NAV2: variants seen among roughly 807,000 people sequenced by gnomAD.
NAV2 encodes helicase, APC down-regulated 1.
In NAV2, 54 loss-of-function variants were observed where a neutral mutation model predicts 223.2. The ratio of observed to expected loss-of-function variants is 0.24; its 90% CI spans 0.19 to 0.30. The LOEUF (loss-of-function observed/expected upper bound fraction) is 0.30, where lower values mean the gene tolerates loss of function less well. NAV2 is among the 10% of genes least tolerant of loss of function. NAV2 has a pLI of 1.00. For synonymous variants in NAV2, 1,279 were observed against 1,239.3 expected, an observed-to-expected ratio of 1.03 and a Z score of -0.67; for missense variants, 2,806 against 3,147.5, an observed-to-expected ratio of 0.89 and a Z score of 2.60.
chr11:19,792,975 G>A (rs575102274), intron 1 of NAV2, among the ~76,000 whole-genome samples: 21 of 151,760 alleles, frequency 1.4e-4, no homozygotes, highest in African/African-American at 4.1e-4. Context: ...TTGGGAGGCC[G>A]AGGTGGGTGG....
chr11:19,532,825 A>T (rs745736133), intron 1 of NAV2, among the ~76,000 whole-genome samples: 1 of 152,244 alleles, frequency 6.6e-6, no homozygotes, highest in Non-Finnish European at 1.5e-5. Context: ...CAAGGGGAAG[A>T]TAGTTTGTCT....
chr11:19,781,715 C>A (rs1452509283), intron 1 of NAV2, among the ~76,000 whole-genome samples: 1 of 151,972 alleles, frequency 6.6e-6, no homozygotes, highest in African/African-American at 2.4e-5. Context: ...TGCAGAACTC[C>A]TGAGCTCCCA....
chr11:19,792,666 A>C (rs1446703812), intron 1 of NAV2, among the ~76,000 whole-genome samples: 1 of 152,156 alleles, frequency 6.6e-6, no homozygotes, highest in Non-Finnish European at 1.5e-5. Flanking sequence ...TCCCTTTGGG[A>C]CATCTCTTCT....
intron 1 of NAV2, among the ~76,000 whole-genome samples, chr11:19,762,760 C>T (rs1220644595): frequency 6.6e-6 from 1 of 151,884 alleles, no homozygotes; most frequent in Non-Finnish European, 1.5e-5. Context: ...ATTACAGGCG[C>T]ACACCAACAC....
At chr11:19,428,227 A>G (rs1307539323) in intron 1 of NAV2, among the ~76,000 whole-genome samples, 2 of 152,212 alleles carry the variant, frequency 1.3e-5, no homozygotes, top group Non-Finnish European at 2.9e-5. Flanking sequence ...ATTGGCAACG[A>G]ATTTAAAACA....
intron 1 of NAV2, among the ~76,000 whole-genome samples, chr11:19,470,780 T>C (rs2041940554): frequency 6.6e-6 from 1 of 152,084 alleles, no homozygotes; most frequent in African/African-American, 2.4e-5. Flanking sequence ...AAGATCAAAG[T>C]GGAAGAACTA....
rs373923851 is a variant in NAV2 at position 19,528,519 on chromosome 11, G to T, written c.75+177492G>T. On this transcript the variant is annotated intron_variant, in intron 1 of 37. Transcript: ENST00000360655. The stretch of plus-strand genomic sequence containing the variant: ...CACTGCCAAAACAGGGATGGACTCC[G>T]GCAGGTGGGCAGAGGCGGCTGGAAG... 5.9e-5 allele frequency among the ~76,000 whole-genome samples: 9 copies of T among 152,296 alleles called. No individual in the cohort carries two copies. The East Asian group carries it at 1.5e-3, about 26-fold the overall frequency.
intron 11 of NAV2, among the ~76,000 whole-genome samples, chr11:20,016,203 G>A (rs1248440484): frequency 2.6e-5 from 4 of 152,178 alleles, no homozygotes; most frequent in South Asian, 2.1e-4. Flanking sequence ...TGATATAGCC[G>A]ATTGGCACCC....
intron 10 of NAV2, among the ~76,000 whole-genome samples, chr11:19,959,886 C>T (rs1171032749): frequency 2.0e-5 from 3 of 152,122 alleles, no homozygotes; most frequent in Non-Finnish European, 4.4e-5. Context: ...ACCATCTGGA[C>T]TGTCTGCTGT....
chr11:19,872,900 T>C (rs1006579713), intron 4 of NAV2, among the ~76,000 whole-genome samples: 1 of 152,186 alleles, frequency 6.6e-6, no homozygotes, highest in African/African-American at 2.4e-5. Flanking sequence ...CTATTTGCTC[T>C]TGGAGATGTG....
At chr11:19,675,653 C>T (rs571587592) in intron 1 of NAV2, among the ~76,000 whole-genome samples, 10 of 152,144 alleles carry the variant, frequency 6.6e-5, no homozygotes, top group East Asian at 3.9e-4. Flanking sequence ...TCCTTCTATG[C>T]GCCAATAAAT....
In NAV2 at chr11:19,832,496, T is replaced by C; in HGVS notation, c.280T>C (p.Trp94Arg). The change falls in exon 2 of 38, where the codon TGG becomes CGG. Residue 94 changes from tryptophan to arginine, a missense_variant. Transcript: ENST00000349880. ...NGFDTQIYTD[W>R]ANHYLAKSGH... ...GCTTTTTTTACAGATCTACACAGAC[T>C]GGGCCAATCATTACCTAGCCAAATC... 6.2e-7 allele frequency: 1 copy of C among 1,613,814 alleles called. No individual in the cohort carries two copies. Among genetic ancestry groups the C allele is most frequent in the Non-Finnish European group, 8.5e-7 (1 of 1,179,958 alleles).
chr11:20,059,932 G>A (rs983471330), intron 19 of NAV2, among the ~76,000 whole-genome samples: 13 of 152,230 alleles, frequency 8.5e-5, no homozygotes, highest in African/African-American at 3.1e-4. Context: ...GAAGGAGGCC[G>A]AACTGCAATG....
intron 32 of NAV2, among the ~76,000 whole-genome samples, chr11:20,101,489 C>T (rs1048791702): frequency 8.5e-5 from 13 of 152,068 alleles, no homozygotes; most frequent in African/African-American, 2.7e-4. Flanking sequence ...TGTGGAACAA[C>T]GATAATAACA....
chr11:19,648,939 G>T (rs897243170), intron 1 of NAV2, among the ~76,000 whole-genome samples: 4 of 151,832 alleles, frequency 2.6e-5, no homozygotes, highest in Non-Finnish European at 5.9e-5. Flanking sequence ...TGCTAATTAT[G>T]GACATTTTTA....
At chr11:19,953,833 T>C (rs766623949) in intron 10 of NAV2, among the ~76,000 whole-genome samples, 1 of 150,278 alleles carries the variant, frequency 6.7e-6, no homozygotes, top group South Asian at 2.1e-4. Context: ...GAATCTGAGA[T>C]GCACAAGAAA....
At chr11:19,471,061 T>C (rs2041949189) in intron 1 of NAV2, among the ~76,000 whole-genome samples, 2 of 152,302 alleles carry the variant, frequency 1.3e-5, no homozygotes, top group Non-Finnish European at 1.5e-5. Flanking sequence ...GACCATTTGG[T>C]GTCCCCCAGA....
intron 1 of NAV2, among the ~76,000 whole-genome samples, chr11:19,707,184 C>T (rs957030441): frequency 2.0e-5 from 3 of 152,166 alleles, no homozygotes; most frequent in African/African-American, 7.2e-5. Flanking sequence ...TTTATTAACA[C>T]TGTACACTTA....
chr11:19,508,268 CA>C (rs1323036708), intron 1 of NAV2, among the ~76,000 whole-genome samples: 1 of 152,098 alleles, frequency 6.6e-6, no homozygotes, highest in Non-Finnish European at 1.5e-5. Context: ...GGGTCAGAAT[CA>C]GGGTCAGGAT....
Sources: gnomAD v4.1 joint callset for allele counts (sites outside exome capture counted in the v4.1 genomes callset) on GRCh38, gnomAD v4.1.1 for gene constraint, MANE v1.5 for transcripts, NCBI Gene and HGNC (gene_info 2026-07-23, HGNC 2026-07-21) for gene names.